Variants in SLC25A41 observed in about 807,000 individuals in gnomAD.
SLC25A41 encodes the protein solute carrier family 25 member 41, also known as mitochondrial carrier protein SCaMC-3L.
SLC25A41 carries 35 observed loss-of-function variants against 34.7 expected under a neutral mutation model. That is an observed-to-expected ratio of 1.01 (90% CI 0.77 to 1.34). The LOEUF (loss-of-function observed/expected upper bound fraction) is 1.34, where lower values mean the gene tolerates loss of function less well. Among genes scored for constraint, SLC25A41 ranks in the 40% most tolerant of loss-of-function variants. The pLI is 0.00. For synonymous variants in SLC25A41, 190 were observed against 209.9 expected, an observed-to-expected ratio of 0.91 and a Z score of 0.82; for missense variants, 492 against 489.8, an observed-to-expected ratio of 1.00 and a Z score of -0.04.
upstream of SLC25A41, among the ~76,000 whole-genome samples, chr19:6,435,223 CAA>C (rs1308581356): frequency 5.9e-4 from 31 of 52,678 alleles, no homozygotes; most frequent in South Asian, 1.3e-3. Context: ...GACCCTGTCT[CAA>C]AAAAAAAAAA....
At chr19:6,428,665 ATAAG>A (rs1326739370) in intron 4 of SLC25A41, among the ~76,000 whole-genome samples, 2 of 146,284 alleles carry the variant, frequency 1.4e-5, no homozygotes, top group Admixed American at 6.9e-5. Flanking sequence ...TATTTACATA[ATAAG>A]TAAGGTATAT....
intron 4 of SLC25A41, among the ~76,000 whole-genome samples, chr19:6,429,025 A>ATATATATATATATATATATAT (rs2092257700): frequency 5.5e-5 from 1 of 18,248 alleles, no homozygotes; most frequent in African/African-American, 2.7e-4. Context: ...CTGAAAATTT[A>ATATATATATATATATATATAT]TATATATATA....
At chr19:6,428,364 C>T (rs2145136673) in intron 4 of SLC25A41, among the ~76,000 whole-genome samples, 1 of 149,744 alleles carries the variant, frequency 6.7e-6, no homozygotes, top group African/African-American at 2.5e-5. Flanking sequence ...CAAGATCGTG[C>T]CACTGCACTC....
In SLC25A41 at chr19:6,429,102, T is replaced by TATATAATATATATATTATATATATGTTAC. The variant is rs1599255380; in HGVS notation, c.624+621_624+622insGTAACATATATATAATATATATATTATAT. On this transcript the variant is annotated intron_variant, in intron 4 of 6. Coordinates refer to ENST00000321510, the MANE Select transcript of SLC25A41 (RefSeq NM_173637.4). ...ATATATATTATATATATGTTACATATATATATAATATATATATTATATATA... is the reference window on the plus strand; with the variant it reads ...ATATATATTATATATATGTTACATATATATAATATATATATTATATATATGTTACATATATAATATATATATTATATATA... Among the ~76,000 whole-genome samples the TATATAATATATATATTATATATATGTTAC allele has an allele frequency of 5.9e-5, 3 of 50,834 alleles. 1 individual carries two copies. Among genetic ancestry groups the TATATAATATATATATTATATATATGTTAC allele is most frequent in the Non-Finnish European group, 1.0e-4 (3 of 29,710 alleles). 33.3% of individuals were successfully genotyped at this position (50,834 alleles called of 152,430 possible).
At chr19:6,428,882 T>C (rs896186450) in intron 4 of SLC25A41, among the ~76,000 whole-genome samples, 11 of 142,742 alleles carry the variant, frequency 7.7e-5, no homozygotes, top group African/African-American at 2.8e-4. Flanking sequence ...CCTGGCTGAT[T>C]TTTGTTTTCA....
upstream of SLC25A41, chr19:6,433,788 G>T (rs2092296462): frequency 1.1e-5 from 12 of 1,083,246 alleles, no homozygotes; most frequent in South Asian, 2.1e-4. Context: ...TTGTGTGGGG[G>T]ACCAAGAGGA....
chr19:6,426,291 A>G lies in SLC25A41; in HGVS notation c.*98T>C, dbSNP rs1483908509. 1.1e-4 allele frequency: 104 copies of G among 939,188 alleles called. No homozygotes were observed. The East Asian group carries it at 5.5e-3, about 50-fold the overall frequency. 58.2% of individuals were successfully genotyped at this position (939,188 alleles called of 1,614,324 possible). On this transcript the variant is annotated 3_prime_UTR_variant, in exon 7 of 7. Transcript: ENST00000321510. The stretch of plus-strand genomic sequence containing the variant: ...TGCTTTTGCCACCAAAAACTGCCCC[A>G]GGGCCTGAACCTTGAGGCCTCGAGG...
chr19:6,430,377 CCCT>C (rs1476872519), intron 2 of SLC25A41: 1 of 575,806 alleles, frequency 1.7e-6, no homozygotes, highest in African/African-American at 1.9e-5. Context: ...CCCACCTCAC[CCCT>C]CCTCTTCATC....
chr19:6,431,523 T>G (rs2092285451), intron 2 of SLC25A41, among the ~76,000 whole-genome samples: 1 of 151,660 alleles, frequency 6.6e-6, no homozygotes, highest in African/African-American at 2.4e-5. Context: ...CACTGCAACC[T>G]CCATCTCCTG....
chr19:6,430,197 C>T (rs920463887), intron 2 of SLC25A41, 36 bp from the exon 3 acceptor site: 11 of 1,580,880 alleles, frequency 7.0e-6, no homozygotes, highest in South Asian at 1.2e-5. Flanking sequence ...AGCCCCTGCT[C>T]GCCTCTGTCT....
At chr19:6,430,359 C>T (rs565021656) in intron 2 of SLC25A41, among the ~76,000 whole-genome samples, 198 bp from the exon 3 acceptor site, 133 of 152,160 alleles carry the variant, frequency 8.7e-4, no homozygotes, top group African/African-American at 3.0e-3. Context: ...CCAACATCAA[C>T]CTACATTCCC....
chr19:6,429,635 GGAGAAAGGAGGA>G, intron 4 of SLC25A41, 77 bp downstream of exon 4: 1 of 887,230 alleles, frequency 1.1e-6, no homozygotes, highest in East Asian at 2.8e-5. Flanking sequence ...AAGGAGGAGG[GGAGAAAGGAGGA>G]AGAGGAAGTA....
intron 6 of SLC25A41, 137 bp from the exon 7 acceptor site, chr19:6,426,698 G>A (rs2092243407): frequency 2.3e-6 from 2 of 851,436 alleles, no homozygotes; most frequent in Admixed American, 2.7e-5. Context: ...AAGAGTCTTA[G>A]AGGAAATTGG....
At chr19:6,428,624 T>C (rs1018338221) in intron 4 of SLC25A41, among the ~76,000 whole-genome samples, 1 of 147,544 alleles carries the variant, frequency 6.8e-6, no homozygotes, top group Non-Finnish European at 1.5e-5. Context: ...TATTTAGTTA[T>C]ATATAATATA....
chr19:6,432,821 G>A (rs957689172), intron 1 of SLC25A41, among the ~76,000 whole-genome samples: 2 of 149,742 alleles, frequency 1.3e-5, no homozygotes, highest in Admixed American at 1.3e-4. Flanking sequence ...CAGTGCCAAC[G>A]TGCCGAGCAA....
rs199918673 is a variant in SLC25A41 at position 6,427,396 on chromosome 19, C to A, written c.730G>T (p.Gly244Cys). 81 of 1,611,520 alleles carry A rather than the reference C, an allele frequency of 5.0e-5. No homozygotes were observed. In the African/African-American group the frequency reaches 9.5e-4, roughly 19 times the overall value. The change falls in exon 5 of 7, where the codon GGC (glycine) becomes TGC (cysteine). Residue 244 changes from glycine to cysteine, a missense_variant. Transcript: ENST00000321510. This position sits in a 1 kb window ranked among gnomAD's most constrained non-coding sequence, Gnocchi z 4.9. ...ATGCCGAGCATATTGGGCAGGTAGC[C>A]GCGGTAAAGGGCGCGGGTGCCCTCT... ...QREGTRALYR[G>C]YLPNMLGIIP...
chr19:6,427,481 G>T lies in SLC25A41; in HGVS notation c.645C>A (p.Thr215=). Reference sequence around the variant, plus strand: ...CCTTGTACTGGCCCGTCCGACGCAAGGTCAACCGCGTCTTCAGCACCTGAG... The same window carrying T: ...CCTTGTACTGGCCCGTCCGACGCAATGTCAACCGCGTCTTCAGCACCTGAG... ...NPMEVLKTRL[T]LRRTGQYKGL... The change falls in exon 5 of 7, where the codon ACC becomes ACA. Residue 215 remains threonine, a synonymous_variant. Transcript: ENST00000321510. This position sits in a 1 kb window ranked among gnomAD's most constrained non-coding sequence, Gnocchi z 4.9. 1 of 1,552,462 alleles carries T rather than the reference G, an allele frequency of 6.4e-7. No individual in the cohort carries two copies. Among genetic ancestry groups the T allele is most frequent in the Non-Finnish European group, 8.7e-7 (1 of 1,144,186 alleles).
At chr19:6,429,471 A>G (rs2092272830) in intron 4 of SLC25A41, among the ~76,000 whole-genome samples, 2 of 17,860 alleles carry the variant, frequency 1.1e-4, no homozygotes, top group South Asian at 2.0e-3. Flanking sequence ...GGAGGAGGAG[A>G]GGAAAGAGGA....
At chr19:6,426,626 T>G in intron 6 of SLC25A41, 65 bp from the exon 7 acceptor site, 1 of 1,566,260 alleles carries the variant, frequency 6.4e-7, no homozygotes. Flanking sequence ...GAGTCTGGAA[T>G]GTTGCGGACA....
Sources: gnomAD v4.1 joint callset for allele counts (sites outside exome capture counted in the v4.1 genomes callset) on GRCh38, gnomAD v4.1.1 for gene constraint, Gnocchi (gnomAD v3.1) non-coding constraint, MANE v1.5 for transcripts, NCBI Gene and HGNC (gene_info 2026-07-23, HGNC 2026-07-21) for gene names.